LEKR1: variants seen among roughly 807,000 people sequenced by gnomAD.
LEKR1 encodes leucine, glutamate and lysine rich 1.
Under a neutral mutation model 72.4 loss-of-function variants are expected in LEKR1, and 59 were observed. That is an observed-to-expected ratio of 0.82 (90% CI 0.66 to 1.01). The LOEUF (loss-of-function observed/expected upper bound fraction) is 1.01. Among genes scored for constraint, LEKR1 ranks in the 50% least tolerant of loss-of-function variants. The probability of loss-of-function intolerance (pLI) is 0.00; values close to 1 mark genes in which losing one functional copy is unlikely to be tolerated. For synonymous variants in LEKR1, 257 were observed against 263.2 expected, an observed-to-expected ratio of 0.98 and a Z score of 0.23; for missense variants, 728 against 759.2, an observed-to-expected ratio of 0.96 and a Z score of 0.48.
chr3:156,885,501 T>A (rs1719952696), intron 3 of LEKR1, among the ~76,000 whole-genome samples: 1 of 152,198 alleles, frequency 6.6e-6, no homozygotes, highest in Non-Finnish European at 1.5e-5. Context: ...CTCTCCCACT[T>A]CCCCTAGGGA....
intron 3 of LEKR1, among the ~76,000 whole-genome samples, chr3:156,899,392 G>A (rs1465672617): frequency 1.1e-3 from 82 of 72,666 alleles, no homozygotes; most frequent in African/African-American, 1.4e-3. Flanking sequence ...ATATATACAT[G>A]TATATATACA....
At chr3:156,968,408 T>C (rs1179162662) in intron 6 of LEKR1, among the ~76,000 whole-genome samples, 2 of 151,864 alleles carry the variant, frequency 1.3e-5, no homozygotes, top group Non-Finnish European at 2.9e-5. Flanking sequence ...ACACATAGGC[T>C]CAAAATAAAG....
chr3:156,907,354 T>C (rs1405123610), intron 3 of LEKR1, among the ~76,000 whole-genome samples: 1 of 152,094 alleles, frequency 6.6e-6, no homozygotes, highest in Non-Finnish European at 1.5e-5. Flanking sequence ...CTTGCATTTT[T>C]CCCCATTGAT....
At chr3:156,879,283 G>T (rs1049953426) in intron 3 of LEKR1, among the ~76,000 whole-genome samples, 2 of 152,174 alleles carry the variant, frequency 1.3e-5, no homozygotes, top group African/African-American at 4.8e-5. Flanking sequence ...GGAACTTGTC[G>T]AGAACTGGAG....
chr3:156,997,536 A>G lies in LEKR1; in HGVS notation c.1109+4259A>G, dbSNP rs560798579. 3.9e-5 allele frequency among the ~76,000 whole-genome samples: 6 copies of G among 152,322 alleles called. No homozygotes were observed. The South Asian group carries it at 6.2e-4, about 16-fold the overall frequency. ...AATCTGCCACTTGGCAAAGTACCAA[A>G]CCACTGCTGTGGAAGTATTACAACC... On this transcript the variant is annotated intron_variant, in intron 9 of 12. Transcript: ENST00000356539.
At chr3:156,942,457 CTAAT>C (rs753020696) in intron 5 of LEKR1, 68 bp from the exon 6 acceptor site, 14 of 460,440 alleles carry the variant, frequency 3.0e-5, no homozygotes, top group Non-Finnish European at 4.4e-5. Context: ...CTAAAAGAAA[CTAAT>C]CAATCTTTAG....
intron 12 of LEKR1, among the ~76,000 whole-genome samples, chr3:157,041,695 C>T (rs561594036): frequency 6.6e-6 from 1 of 151,958 alleles, no homozygotes; most frequent in African/African-American, 2.4e-5. Flanking sequence ...TAGTTACAAT[C>T]CAATGATTCT....
intron 3 of LEKR1, among the ~76,000 whole-genome samples, chr3:156,912,936 A>C (rs1723259941): frequency 6.6e-6 from 1 of 152,126 alleles, no homozygotes; most frequent in Admixed American, 6.5e-5. Context: ...CTGAGGACTT[A>C]TAGTTTTTTA....
intron 9 of LEKR1, among the ~76,000 whole-genome samples, chr3:157,005,943 A>G (rs1020749330): frequency 6.6e-6 from 1 of 152,216 alleles, no homozygotes; most frequent in Non-Finnish European, 1.5e-5. Context: ...GTGATGCTCA[A>G]TATCATTACT....
chr3:156,905,286 A>G (rs758912807), intron 3 of LEKR1, among the ~76,000 whole-genome samples: 4 of 152,190 alleles, frequency 2.6e-5, no homozygotes, highest in Non-Finnish European at 4.4e-5. Context: ...AGATTGTACT[A>G]AAAGTACATT....
chr3:156,988,271 T>TA (rs1484128407), intron 7 of LEKR1: 1 of 202,014 alleles, frequency 5.0e-6, no homozygotes, highest in Non-Finnish European at 1.1e-5. Flanking sequence ...TGGTTGGCCT[T>TA]ACAGCGGTAG....
chr3:156,966,448 A>C (rs745608063), intron 6 of LEKR1, among the ~76,000 whole-genome samples: 1 of 152,214 alleles, frequency 6.6e-6, no homozygotes, highest in Non-Finnish European at 1.5e-5. Flanking sequence ...CGCTTTTCCA[A>C]TGATCTTAGC....
chr3:157,044,430 G>A (rs1011541538), intron 12 of LEKR1, among the ~76,000 whole-genome samples: 3 of 152,102 alleles, frequency 2.0e-5, no homozygotes, highest in South Asian at 2.1e-4. Flanking sequence ...TCAGAATTTC[G>A]AAGAGACTTA....
rs1190458391 is a variant in LEKR1 at position 157,014,524 on chromosome 3, C to T, written c.1203+3018C>T. ...ATAATTCCTAACGTGTTTTAGTATG[C>T]TATTATTAAAATTAAAAGAGATAAT... On this transcript the variant is annotated intron_variant, in intron 10 of 12. Coordinates refer to ENST00000356539, the MANE Select transcript of LEKR1 (RefSeq NM_001004316.3). Among the ~76,000 whole-genome samples, 9 of 152,094 alleles carry T rather than the reference C, an allele frequency of 5.9e-5. 1 individual carries two copies. The East Asian group carries it at 1.3e-3, about 23-fold the overall frequency.
intron 3 of LEKR1, among the ~76,000 whole-genome samples, chr3:156,918,141 G>C (rs1723829156): frequency 6.6e-6 from 1 of 152,082 alleles, no homozygotes; most frequent in Non-Finnish European, 1.5e-5. Context: ...GCTCACAAGT[G>C]AATAACAATG....
chr3:156,943,258 T>A (rs1726385407), intron 6 of LEKR1, among the ~76,000 whole-genome samples: 1 of 151,846 alleles, frequency 6.6e-6, no homozygotes, highest in African/African-American at 2.4e-5. Context: ...AATTAATCTG[T>A]TAGTAATGAA....
intron 7 of LEKR1, among the ~76,000 whole-genome samples, chr3:156,982,904 T>A (rs577264698): frequency 2.1e-4 from 30 of 140,320 alleles, no homozygotes; most frequent in African/African-American, 7.2e-4. Context: ...GATAGATAGA[T>A]AGATGGAAGA....
In LEKR1 at chr3:156,971,135, A is replaced by C. The variant is rs1729145575; in HGVS notation, c.746-8059A>C. Among the ~76,000 whole-genome samples the C allele has an allele frequency of 2.0e-5, 3 of 152,330 alleles. No homozygotes were observed. In the South Asian group the frequency reaches 6.2e-4, roughly 32 times the overall value. ...CAAAACAGCATGGTACTGGTACTGA[A>C]ATAGAGACATAGACTAATGGAACAG... On this transcript the variant is annotated intron_variant, in intron 6 of 12. Transcript: ENST00000356539.
intron 7 of LEKR1, among the ~76,000 whole-genome samples, chr3:156,990,675 T>G (rs1329033840): frequency 6.6e-6 from 1 of 152,234 alleles, no homozygotes; most frequent in Non-Finnish European, 1.5e-5. Flanking sequence ...ATTACTGTAC[T>G]GAATTATTTT....
Sources: gnomAD v4.1 joint callset for allele counts (sites outside exome capture counted in the v4.1 genomes callset) on GRCh38, gnomAD v4.1.1 for gene constraint, MANE v1.5 for transcripts, NCBI Gene and HGNC (gene_info 2026-07-23, HGNC 2026-07-21) for gene names.